Variants in CDH23 observed in about 807,000 individuals in gnomAD.
CDH23 encodes the protein cadherin-23.
Under a neutral mutation model 317.1 loss-of-function variants are expected in CDH23, and 189 were observed. That is an observed-to-expected ratio of 0.60 (90% CI 0.53 to 0.67). CDH23 has a LOEUF of 0.67. Ranked by LOEUF, CDH23 falls within the 30% of genes least tolerant of loss-of-function variation. CDH23 has a pLI of 0.00. For missense variants in CDH23, 4,401 were observed against 4,592.4 expected (o/e 0.96, Z 1.20); for synonymous variants, 1,839 against 1,876.8 (o/e 0.98, Z 0.52).
At chr10:71,645,240 C>T (rs906099427) in intron 12 of CDH23, among the ~76,000 whole-genome samples, 7 of 152,328 alleles carry the variant, frequency 4.6e-5, no homozygotes, top group East Asian at 3.9e-4. Flanking sequence ...CTGGGCCCCC[C>T]GGGACTGGCA....
At position 71,675,211 on chromosome 10, in the gene CDH23, G is replaced by T. The variant is rs781369472; in HGVS notation, c.1514+35G>T. Reference sequence around the variant, plus strand: ...TGCCCACAGCCCCTCAGGCCCCTCCGCAGTGGTCCTTGGCCCTCCCCAGAC... The same window carrying T: ...TGCCCACAGCCCCTCAGGCCCCTCCTCAGTGGTCCTTGGCCCTCCCCAGAC... On this transcript the variant is annotated intron_variant, in intron 15 of 69. Coordinates refer to ENST00000224721, the MANE Select transcript of CDH23 (RefSeq NM_022124.6). The T allele has an allele frequency of 2.5e-6, 4 of 1,581,596 alleles. No individual in the cohort carries two copies. The African/African-American group carries it at 4.0e-5, about 16-fold the overall frequency.
chr10:71,497,397 C>A (rs1853034355), intron 3 of CDH23, among the ~76,000 whole-genome samples: 1 of 152,114 alleles, frequency 6.6e-6, no homozygotes, highest in Non-Finnish European at 1.5e-5. Flanking sequence ...AAGACTTCAA[C>A]CCTCATGGGC....
At chr10:71,758,951 C>G (rs1230577432) in intron 38 of CDH23, among the ~76,000 whole-genome samples, 1 of 151,920 alleles carries the variant, frequency 6.6e-6, no homozygotes, top group Admixed American at 6.5e-5. Context: ...CTCACTGCAA[C>G]TTCTGCCTCC....
At chr10:71,729,104 C>T (rs755267339) in intron 30 of CDH23, among the ~76,000 whole-genome samples, 1 of 152,128 alleles carries the variant, frequency 6.6e-6, no homozygotes, top group Non-Finnish European at 1.5e-5. Flanking sequence ...CAAATTTCTG[C>T]GATTACAGGC....
chr10:71,706,696 T>C (rs976168172), intron 25 of CDH23, among the ~76,000 whole-genome samples: 1 of 152,214 alleles, frequency 6.6e-6, no homozygotes, highest in African/African-American at 2.4e-5. Context: ...TCTGGAGCAC[T>C]GGTGGGCCTG....
At chr10:71,548,137 G>C (rs1462700644) in intron 6 of CDH23, among the ~76,000 whole-genome samples, 1 of 152,224 alleles carries the variant, frequency 6.6e-6, no homozygotes, top group Non-Finnish European at 1.5e-5. Context: ...CACTGGGGCA[G>C]CGGGAGGGCT....
In CDH23 at chr10:71,510,191, C is replaced by T. The variant is rs763083679; in HGVS notation, c.255C>T (p.Gly85=). The stretch of plus-strand genomic sequence containing the variant: ...TCTTTGCAGTGGAGCCTGACACTGG[C>T]GTGGTGTGGCTCCGGCAGCCACTGG... ...SRFFAVEPDT[G]VVWLRQPLDR... The change falls in exon 4 of 70, where the codon GGC becomes GGT. Residue 85 remains glycine (G), a synonymous_variant. Coordinates refer to ENST00000224721, the MANE Select transcript of CDH23 (RefSeq NM_022124.6). 31 of 1,613,722 alleles carry T rather than the reference C, an allele frequency of 1.9e-5. No individual in the cohort carries two copies. The highest frequency in any genetic ancestry group is 4.0e-5 in the African/African-American group (3 of 74,914).
intron 38 of CDH23, among the ~76,000 whole-genome samples, chr10:71,758,246 G>A (rs948391009): frequency 6.6e-6 from 1 of 152,220 alleles, no homozygotes; most frequent in Non-Finnish European, 1.5e-5. Flanking sequence ...TAGCCTTTGA[G>A]TTGGGTTTTG....
chr10:71,788,196 A>G (rs1431464199), intron 44 of CDH23, among the ~76,000 whole-genome samples: 1 of 151,168 alleles, frequency 6.6e-6, no homozygotes, highest in Non-Finnish European at 1.5e-5. Flanking sequence ...TACAGGTGTA[A>G]GCCATCATGC....
chr10:71,447,913 G>T (rs1488657876), intron 3 of CDH23, among the ~76,000 whole-genome samples: 1 of 152,222 alleles, frequency 6.6e-6, no homozygotes, highest in Non-Finnish European at 1.5e-5. Context: ...GCAGCACACA[G>T]TGCATGTGTC....
At chr10:71,404,732 A>G (rs935204265) in intron 1 of CDH23, among the ~76,000 whole-genome samples, 1 of 152,228 alleles carries the variant, frequency 6.6e-6, no homozygotes, top group African/African-American at 2.4e-5. Context: ...TCAGCCACCC[A>G]GAGCCTGCCA....
chr10:71,690,454 T>A lies in CDH23; in HGVS notation c.2060-14T>A, dbSNP rs754266061. 7.0e-6 allele frequency: 11 copies of A among 1,575,620 alleles called. No homozygotes were observed. The East Asian group carries it at 2.6e-4, about 37-fold the overall frequency. Reference sequence around the variant, plus strand: ...TGAGCAGCACCCCCTGCCCCCACCTTTTTCCCCCTGAAGGAGCCACGGTGC... The same window carrying A: ...TGAGCAGCACCCCCTGCCCCCACCTATTTCCCCCTGAAGGAGCCACGGTGC... On this transcript the variant is annotated splice_polypyrimidine_tract_variant and intron_variant, in intron 19 of 69. Coordinates refer to ENST00000224721, the MANE Select transcript of CDH23 (RefSeq NM_022124.6).
At chr10:71,778,859 G>A (rs1287032526) in intron 40 of CDH23, among the ~76,000 whole-genome samples, 1 of 152,150 alleles carries the variant, frequency 6.6e-6, no homozygotes, top group East Asian at 1.9e-4. Flanking sequence ...GGACTCAAGA[G>A]CAATCCTCCC....
intron 38 of CDH23, among the ~76,000 whole-genome samples, chr10:71,764,436 G>A (rs1050744688): frequency 1.6e-4 from 25 of 152,194 alleles, no homozygotes; most frequent in Non-Finnish European, 4.4e-5. Context: ...GGAGCCCACA[G>A]GCCACATCCA....
intron 41 of CDH23, among the ~76,000 whole-genome samples, chr10:71,784,059 G>A (rs973680812): frequency 7.2e-5 from 11 of 152,204 alleles, no homozygotes; most frequent in Non-Finnish European, 1.5e-4. Flanking sequence ...GGCATGAGTG[G>A]CCCGTGTCCG....
At chr10:71,622,946 C>T (rs1234715008) in intron 11 of CDH23, 4 of 985,238 alleles carry the variant, frequency 4.1e-6, no homozygotes, top group South Asian at 4.7e-5. Context: ...TTTGCCGAAC[C>T]CCTGGCCTTC....
intron 9 of CDH23, among the ~76,000 whole-genome samples, chr10:71,611,117 A>G (rs1416507295): frequency 6.8e-6 from 1 of 147,006 alleles, no homozygotes; most frequent in Non-Finnish European, 1.5e-5. Context: ...GGAGACCAGA[A>G]GGCCGACACG....
chr10:71,703,276 C>T (rs1213360030), intron 24 of CDH23, among the ~76,000 whole-genome samples: 1 of 152,206 alleles, frequency 6.6e-6, no homozygotes, highest in Non-Finnish European at 1.5e-5. Flanking sequence ...GTCCTTTCAA[C>T]ACCTCTGCCC....
At chr10:71,455,488 A>G (rs932142239) in intron 3 of CDH23, among the ~76,000 whole-genome samples, 2 of 152,232 alleles carry the variant, frequency 1.3e-5, no homozygotes, top group Non-Finnish European at 2.9e-5. Flanking sequence ...ACAGATGCAC[A>G]TATATACTTA....
Sources: allele counts gnomAD v4.1 joint callset (sites outside exome capture counted in the v4.1 genomes callset), GRCh38; gene constraint gnomAD v4.1.1; transcripts MANE v1.5; gene names NCBI Gene and HGNC (gene_info 2026-07-23, HGNC 2026-07-21).